The following SLC2A12 variants were observed in gnomAD, a reference collection of about 807,000 sequenced individuals.
SLC2A12 encodes the protein solute carrier family 2 member 12.
Under a neutral mutation model 41.8 loss-of-function variants are expected in SLC2A12, and 23 were observed. That is an observed-to-expected ratio of 0.55 (90% CI 0.40 to 0.78). SLC2A12 has a LOEUF of 0.78. Ranked by LOEUF, SLC2A12 falls within the 30% of genes least tolerant of loss-of-function variation. The pLI is 0.00. For missense variants in SLC2A12, 654 were observed against 745.6 expected (o/e 0.88, Z 1.43); for synonymous variants, 295 against 285.9 (o/e 1.03, Z -0.32).
In SLC2A12 at chr6:133,987,624, TTG is replaced by T. The variant is rs35068923; in HGVS notation, c.*3529_*3530del. 0.46 allele frequency: 64,241 copies of T among 139,548 alleles called. 15,548 individuals carry two copies. Among genetic ancestry groups the T allele is most frequent in the Non-Finnish European group, 0.56 (35,480 of 63,294 alleles). 8.6% of individuals were successfully genotyped at this position (139,548 alleles called of 1,614,324 possible). ...TGTTGGCTTCTTTTTGAAGTGTATT[TTG>T]TGTGTGTGTGTGTGTGTGTGTGTAT... On this transcript the variant is annotated 3_prime_UTR_variant, in exon 5 of 5. Coordinates refer to ENST00000275230, the MANE Select transcript of SLC2A12 (RefSeq NM_145176.3).
chr6:134,045,988 A>G (rs117122012), intron 1 of SLC2A12, among the ~76,000 whole-genome samples: 13 of 152,334 alleles, frequency 8.5e-5, no homozygotes, highest in Admixed American at 4.6e-4. Flanking sequence ...AGGTTTCTGC[A>G]GCTTAGTTTC....
At chr6:134,038,510 G>A (rs1204115252) in intron 1 of SLC2A12, among the ~76,000 whole-genome samples, 1 of 148,430 alleles carries the variant, frequency 6.7e-6, no homozygotes, top group Non-Finnish European at 1.5e-5. Context: ...TACAGGTGTG[G>A]GCCACCACAC....
intron 1 of SLC2A12, among the ~76,000 whole-genome samples, chr6:134,033,571 G>C (rs752069160): frequency 6.6e-6 from 1 of 152,120 alleles, no homozygotes; most frequent in Non-Finnish European, 1.5e-5. Flanking sequence ...AGTGAATTTG[G>C]AGAATGGACC....
chr6:134,032,018 C>A (rs1266279432), intron 1 of SLC2A12, among the ~76,000 whole-genome samples: 1 of 152,148 alleles, frequency 6.6e-6, no homozygotes, highest in Non-Finnish European at 1.5e-5. Context: ...AATGTGATTA[C>A]ACACACGGTT....
At chr6:134,001,616 C>T (rs1384890140) in intron 4 of SLC2A12, among the ~76,000 whole-genome samples, 2 of 152,020 alleles carry the variant, frequency 1.3e-5, no homozygotes, top group Non-Finnish European at 2.9e-5. Context: ...TGAATAATAG[C>T]ATTACAGTTT....
intron 2 of SLC2A12, among the ~76,000 whole-genome samples, chr6:134,020,438 G>C (rs1461105354): frequency 6.6e-6 from 1 of 152,152 alleles, no homozygotes; most frequent in African/African-American, 2.4e-5. Flanking sequence ...GGTATGAAAA[G>C]CTTGTTCCTA....
Position 133,991,053 on chromosome 6 carries a change from AT to A in SLC2A12, c.*101del. 1 of 1,351,954 alleles carries A rather than the reference AT, an allele frequency of 7.4e-7. No individual in the cohort carries two copies. Among genetic ancestry groups the A allele is most frequent in the Non-Finnish European group, 1.0e-6 (1 of 999,738 alleles). 83.7% of individuals were successfully genotyped at this position (1,351,954 alleles called of 1,614,324 possible). Reference sequence around the variant, plus strand: ...AGAGTGTCTCTTCAAAACCAGTTCCATGACACTGAAAAGAGAGCACAGGAGT... The same window carrying A: ...AGAGTGTCTCTTCAAAACCAGTTCCAGACACTGAAAAGAGAGCACAGGAGT... On this transcript the variant is annotated 3_prime_UTR_variant, in exon 5 of 5. Coordinates refer to ENST00000275230, the MANE Select transcript of SLC2A12 (RefSeq NM_145176.3).
At chr6:134,008,987 A>C (rs1000204824) in intron 2 of SLC2A12, 13 of 152,162 alleles carry the variant, frequency 8.5e-5, no homozygotes, top group African/African-American at 3.1e-4. Flanking sequence ...TCCCCTCCTC[A>C]TCTTTCATCA....
intron 1 of SLC2A12, among the ~76,000 whole-genome samples, chr6:134,044,734 A>G (rs1332756531): frequency 2.0e-5 from 3 of 147,160 alleles, no homozygotes; most frequent in Non-Finnish European, 4.5e-5. Flanking sequence ...AAAAAAAAAA[A>G]GAATAATGTC....
At position 134,052,545 on chromosome 6, in the gene SLC2A12, A is replaced by G. The variant is rs1057502506; in HGVS notation, c.-65T>C. ...CGCCCCGACCACCCCCGCTCCCAGG[A>G]GTGGTCACTTTCCCCATAATAGCAT... On this transcript the variant is annotated 5_prime_UTR_variant, in exon 1 of 5. Coordinates refer to ENST00000275230, the MANE Select transcript of SLC2A12 (RefSeq NM_145176.3). 3.1e-6 allele frequency: 4 copies of G among 1,270,520 alleles called. No homozygotes were observed. The highest frequency in any genetic ancestry group is 4.5e-6 in the Non-Finnish European group (4 of 880,036). 78.7% of individuals were successfully genotyped at this position (1,270,520 alleles called of 1,614,324 possible).
At chr6:134,003,747 A>C (rs1376739652) in intron 3 of SLC2A12, among the ~76,000 whole-genome samples, 1 of 152,204 alleles carries the variant, frequency 6.6e-6, no homozygotes, top group Non-Finnish European at 1.5e-5. Flanking sequence ...AACACACTGC[A>C]ATTTTTAAAT....
intron 1 of SLC2A12, among the ~76,000 whole-genome samples, chr6:134,045,203 T>A (rs1777440866): frequency 6.6e-6 from 1 of 152,156 alleles, no homozygotes; most frequent in Admixed American, 6.5e-5. Context: ...AAAATACAAG[T>A]TACATAAAAA....
At chr6:134,017,624 G>GT (rs1776978922) in intron 2 of SLC2A12, among the ~76,000 whole-genome samples, 1 of 152,022 alleles carries the variant, frequency 6.6e-6, no homozygotes, top group Admixed American at 6.6e-5. Flanking sequence ...AGGCCGAGGA[G>GT]GGCGGATCAC....
chr6:134,041,055 AC>A (rs1777375656), intron 1 of SLC2A12, among the ~76,000 whole-genome samples: 1 of 152,146 alleles, frequency 6.6e-6, no homozygotes, highest in African/African-American at 2.4e-5. Flanking sequence ...CAAGAAAGGA[AC>A]TTTTTAATTT....
intron 1 of SLC2A12, among the ~76,000 whole-genome samples, chr6:134,036,608 T>C (rs1166869605): frequency 6.6e-6 from 1 of 152,140 alleles, no homozygotes; most frequent in Admixed American, 6.5e-5. Context: ...TGGCACAAAG[T>C]AAATACTCAA....
At chr6:134,037,598 C>A (rs1241148106) in intron 1 of SLC2A12, among the ~76,000 whole-genome samples, 2 of 152,154 alleles carry the variant, frequency 1.3e-5, no homozygotes, top group Non-Finnish European at 2.9e-5. Context: ...CGTGATCTGC[C>A]TGTCTCGGCA....
In SLC2A12 at chr6:134,025,986, T is replaced by C. The variant is rs1777107699; in HGVS notation, c.1444+2395A>G. Among the ~76,000 whole-genome samples the C allele has an allele frequency of 2.0e-5, 3 of 152,318 alleles. No individual in the cohort carries two copies. The South Asian group carries it at 6.2e-4, about 32-fold the overall frequency. On this transcript the variant is annotated intron_variant, in intron 2 of 4. Transcript: ENST00000275230. ...AAATTACCCCAAAACTAAAGAGAGA[T>C]GGGTGGCATGAAATTGAAAGGACTC...
chr6:134,007,796 C>T (rs984712108), intron 2 of SLC2A12, among the ~76,000 whole-genome samples: 2 of 152,130 alleles, frequency 1.3e-5, no homozygotes, highest in Non-Finnish European at 2.9e-5. Context: ...CTCACAAACC[C>T]CTACAAGGTG....
rs1250419681 is a variant in SLC2A12, at chr6:133,990,533, TA to T, written c.*621del. ...TTTCACAATATTAACATGAAATTCATAAAAGGATATTTTGCATTAAATTATA... is the reference window on the plus strand; with the variant it reads ...TTTCACAATATTAACATGAAATTCATAAAGGATATTTTGCATTAAATTATA... On this transcript the variant is annotated 3_prime_UTR_variant, in exon 5 of 5. Coordinates refer to ENST00000275230, the MANE Select transcript of SLC2A12 (RefSeq NM_145176.3). 6.6e-6 allele frequency: 1 copy of T among 152,574 alleles called. No individual in the cohort carries two copies. Among genetic ancestry groups the T allele is most frequent in the Admixed American group, 6.5e-5 (1 of 15,278 alleles). 9.5% of individuals were successfully genotyped at this position (152,574 alleles called of 1,614,324 possible).
Sources: allele counts gnomAD v4.1 joint callset (sites outside exome capture counted in the v4.1 genomes callset), GRCh38; gene constraint gnomAD v4.1.1; transcripts MANE v1.5; gene names NCBI Gene and HGNC (gene_info 2026-07-23, HGNC 2026-07-21).